The following TRAK1 variants were observed in gnomAD, a reference collection of about 807,000 sequenced individuals.
TRAK1 encodes the protein trafficking kinesin-binding protein 1.
A neutral mutation model predicts 92.1 loss-of-function variants in TRAK1; 33 were observed. The observed-to-expected ratio is 0.36, with a 90% CI of 0.27 to 0.48. TRAK1 has a LOEUF of 0.48. Ranked by LOEUF, TRAK1 falls within the 20% of genes least tolerant of loss-of-function variation. The probability of loss-of-function intolerance (pLI) is 0.99; values close to 1 mark genes in which losing one functional copy is unlikely to be tolerated. For missense variants in TRAK1, 1,123 were observed against 1,257.9 expected, an observed-to-expected ratio of 0.89 and a Z score of 1.62; for synonymous variants, 521 against 517.3, an observed-to-expected ratio of 1.01 and a Z score of -0.10.
intron 1 of TRAK1, among the ~76,000 whole-genome samples, chr3:42,014,320 C>T (rs1364392250): frequency 2.0e-5 from 3 of 152,198 alleles, no homozygotes; most frequent in African/African-American, 7.2e-5. Flanking sequence ...CCTAGGGCAT[C>T]GTGTCGGCCA....
chr3:42,203,772 A>G lies in TRAK1; in HGVS notation c.1744+1020A>G, dbSNP rs954124554. On this transcript the variant is annotated intron_variant, in intron 13 of 15. Transcript: ENST00000327628. ...AGACGTTTTTTCCTAATCACCCCCC[A>G]AAGACATTTTAATACCACATATATA... is the stretch of plus-strand genomic sequence containing the variant. 9.3e-6 allele frequency: 9 copies of G among 962,648 alleles called. No individual in the cohort carries two copies. The African/African-American group carries it at 1.4e-4, about 15-fold the overall frequency. 59.6% of individuals were successfully genotyped at this position (962,648 alleles called of 1,614,324 possible).
chr3:42,034,356 A>G (rs1441889591), intron 1 of TRAK1, among the ~76,000 whole-genome samples: 3 of 152,146 alleles, frequency 2.0e-5, no homozygotes, highest in South Asian at 2.1e-4. Flanking sequence ...CAGTGGCACA[A>G]TCACGGCTCA....
At position 42,054,904 on chromosome 3, in the gene TRAK1, A is replaced by ATTTTTTTTTTTTTTTTTTTTTTTTTTTT. The variant is rs1157067369; in HGVS notation, c.-518-32193_-518-32166dup. Among the ~76,000 whole-genome samples, 5 of 37,088 alleles carry ATTTTTTTTTTTTTTTTTTTTTTTTTTTT rather than the reference A, an allele frequency of 1.3e-4. 1 individual carries two copies. Among genetic ancestry groups the ATTTTTTTTTTTTTTTTTTTTTTTTTTTT allele is most frequent in the Non-Finnish European group, 2.0e-4 (4 of 19,536 alleles). 24.3% of individuals were successfully genotyped at this position (37,088 alleles called of 152,430 possible). On this transcript the variant is annotated intron_variant, in intron 1 of 16. Coordinates refer to the TRAK1 transcript ENST00000487159. The stretch of plus-strand genomic sequence containing the variant: ...TTGTAAATGATCTACAGCAAACTAG[A>ATTTTTTTTTTTTTTTTTTTTTTTTTTTT]TTTTTTTTTTTTTTTTTTTTTTTTT...
chr3:42,100,349 A>G (rs1329774112), intron 1 of TRAK1, among the ~76,000 whole-genome samples: 1 of 152,240 alleles, frequency 6.6e-6, no homozygotes, highest in Non-Finnish European at 1.5e-5. Flanking sequence ...CCTGGATGAC[A>G]GAGCAAGAGA....
At chr3:42,087,141 A>AC (rs2148957969), upstream of TRAK1, 1 of 152,656 alleles carries the variant, frequency 6.6e-6, no homozygotes, top group African/African-American at 2.4e-5. Flanking sequence ...CACCAGAACT[A>AC]CCGGGGGCCA....
intron 2 of TRAK1, among the ~76,000 whole-genome samples, chr3:42,148,046 ACT>A (rs1200163503): frequency 6.6e-6 from 1 of 150,694 alleles, no homozygotes; most frequent in Non-Finnish European, 1.5e-5. Context: ...ACACACACAC[ACT>A]ATTATCTGTA....
intron 1 of TRAK1, among the ~76,000 whole-genome samples, chr3:42,022,400 A>C (rs1262045785): frequency 6.6e-6 from 1 of 152,224 alleles, no homozygotes; most frequent in Non-Finnish European, 1.5e-5. Context: ...TTTATACTGT[A>C]TTTGAAAGAT....
chr3:42,016,089 A>G (rs1451799236), intron 1 of TRAK1, among the ~76,000 whole-genome samples: 2 of 152,214 alleles, frequency 1.3e-5, no homozygotes, highest in Non-Finnish European at 2.9e-5. Context: ...TTCAAAAATA[A>G]TAGAGCACTA....
At chr3:42,172,174 T>C (rs564927031) in intron 2 of TRAK1, among the ~76,000 whole-genome samples, 2 of 152,310 alleles carry the variant, frequency 1.3e-5, no homozygotes, top group African/African-American at 2.4e-5. Context: ...TAGGAGGGTG[T>C]TTCTGTCAGG....
At chr3:42,214,722 C>T (rs534393205) in intron 14 of TRAK1, among the ~76,000 whole-genome samples, 4 of 152,250 alleles carry the variant, frequency 2.6e-5, no homozygotes, top group South Asian at 2.1e-4. Context: ...ATGTGTGGTT[C>T]GAAATCTCTG....
Position 42,064,069 on chromosome 3 carries a change from A to T in TRAK1, c.-518-23035A>T, listed in dbSNP as rs140007459. Among the ~76,000 whole-genome samples, 32 of 152,200 alleles carry T rather than the reference A, an allele frequency of 2.1e-4. 1 individual carries two copies. Among genetic ancestry groups the T allele is most frequent in the Admixed American group, 5.2e-4 (8 of 15,282 alleles). ...TCCCTTTCAGAGCACTAGAGATGGG[A>T]GGGAACCCATTTTACATGCCCAGCC... is the stretch of plus-strand genomic sequence containing the variant. On this transcript the variant is annotated intron_variant, in intron 1 of 16. Coordinates refer to the TRAK1 transcript ENST00000487159.
chr3:42,189,783 G>A (rs768673052), intron 6 of TRAK1, among the ~76,000 whole-genome samples: 6 of 152,156 alleles, frequency 3.9e-5, no homozygotes, highest in African/African-American at 7.2e-5. Flanking sequence ...CACCTGCCTC[G>A]GCCTCCCAAA....
chr3:42,149,348 T>G (rs1699689283), intron 2 of TRAK1: 7 of 1,435,998 alleles, frequency 4.9e-6, no homozygotes, highest in Non-Finnish European at 6.4e-6. Context: ...CCCCATAGAA[T>G]TTTTCTTTTC....
intron 2 of TRAK1, among the ~76,000 whole-genome samples, chr3:42,170,682 G>A (rs537944300): frequency 1.3e-5 from 2 of 152,192 alleles, no homozygotes; most frequent in South Asian, 4.2e-4. Flanking sequence ...TAGAAGATAG[G>A]AGGAAAAATT....
intron 1 of TRAK1, among the ~76,000 whole-genome samples, chr3:42,060,444 G>A (rs1047856657): frequency 6.6e-6 from 1 of 152,002 alleles, no homozygotes; most frequent in African/African-American, 2.4e-5. Flanking sequence ...GAGGAGAGAC[G>A]GGGCAGCTTT....
chr3:42,101,449 C>T lies in TRAK1; in HGVS notation c.91+9889C>T, dbSNP rs543184669. On this transcript the variant is annotated intron_variant, in intron 1 of 15. Transcript: ENST00000327628. ...CTGAATGGCCGAGGTACATTAGTTGCTTTCAGGAAAGCCTCGTGGTGCCAG... is the reference window on the plus strand; with the variant it reads ...CTGAATGGCCGAGGTACATTAGTTGTTTTCAGGAAAGCCTCGTGGTGCCAG... Among the ~76,000 whole-genome samples the T allele has an allele frequency of 1.1e-4, 17 of 152,334 alleles. No homozygotes were observed. In the South Asian group the frequency reaches 3.3e-3, roughly 30 times the overall value.
At chr3:42,062,158 G>A (rs1468212667) in intron 1 of TRAK1, among the ~76,000 whole-genome samples, 4 of 152,220 alleles carry the variant, frequency 2.6e-5, no homozygotes, top group African/African-American at 9.7e-5. Context: ...CTTCTAACAT[G>A]TCCACTTTCC....
intron 1 of TRAK1, among the ~76,000 whole-genome samples, chr3:42,117,152 C>G (rs1489713069): frequency 2.0e-5 from 3 of 152,220 alleles, no homozygotes; most frequent in South Asian, 4.2e-4. Flanking sequence ...AACTCTTGCT[C>G]TCACCGCTCA....
chr3:42,191,994 C>T (rs1450226888), intron 7 of TRAK1, among the ~76,000 whole-genome samples: 11 of 144,154 alleles, frequency 7.6e-5, no homozygotes, highest in Non-Finnish European at 1.5e-4. Context: ...CTCTGCCTCC[C>T]GGGTTCAAGT....
Sources: gnomAD v4.1 joint callset for allele counts (sites outside exome capture counted in the v4.1 genomes callset) on GRCh38, gnomAD v4.1.1 for gene constraint, MANE v1.5 for transcripts, NCBI Gene and HGNC (gene_info 2026-07-23, HGNC 2026-07-21) for gene names.